AP1B1: variants seen among roughly 807,000 people sequenced by gnomAD.
AP1B1 encodes adaptor related protein complex 1 subunit beta 1.
A neutral mutation model predicts 104.3 loss-of-function variants in AP1B1; 36 were observed. That is an observed-to-expected ratio of 0.35 (90% CI 0.26 to 0.46). The LOEUF (loss-of-function observed/expected upper bound fraction) is 0.46. Ranked by LOEUF, AP1B1 falls within the 20% of genes least tolerant of loss-of-function variation. AP1B1 has a pLI of 1.00. For synonymous variants in AP1B1, 504 were observed against 517.5 expected, an observed-to-expected ratio of 0.97 and a Z score of 0.35; for missense variants, 901 against 1,247.9, an observed-to-expected ratio of 0.72 and a Z score of 4.19.
At chr22:29,329,356 T>C in intron 22 of AP1B1, 1 of 1,207,438 alleles carries the variant, frequency 8.3e-7, no homozygotes, top group Non-Finnish European at 1.0e-6. Context: ...CGGTAGAGAC[T>C]TTGCCTCCGC....
intron 1 of AP1B1, among the ~76,000 whole-genome samples, chr22:29,378,382 C>A (rs1027684805): frequency 6.6e-6 from 1 of 151,678 alleles, no homozygotes; most frequent in Non-Finnish European, 1.5e-5. Context: ...CATGGCGAAA[C>A]CCCATCTCTA....
chr22:29,331,685 A>C, intron 18 of AP1B1, 102 bp downstream of exon 18: 2 of 1,602,178 alleles, frequency 1.2e-6, no homozygotes, highest in Non-Finnish European at 1.7e-6. Context: ...ACACATCTGC[A>C]GCTAAGAGCA....
chr22:29,367,125 T>A, intron 2 of AP1B1, 82 bp downstream of exon 2: 2 of 1,317,106 alleles, frequency 1.5e-6, no homozygotes, highest in South Asian at 2.3e-5. Flanking sequence ...TTCCCACCCC[T>A]ACTCCCTACC....
At chr22:29,335,638 G>C (rs1451515447) in intron 16 of AP1B1, among the ~76,000 whole-genome samples, 1 of 152,122 alleles carries the variant, frequency 6.6e-6, no homozygotes, top group Non-Finnish European at 1.5e-5. Flanking sequence ...ATGCAAATCT[G>C]ATCATGGCAC....
Position 29,331,891 on chromosome 22 carries a change from G to A in AP1B1, c.2335C>T (p.Leu779Phe), listed in dbSNP as rs776653588. 6.2e-6 allele frequency: 10 copies of A among 1,611,126 alleles called. No individual in the cohort carries two copies. The highest frequency in any genetic ancestry group is 7.6e-6 in the Non-Finnish European group (9 of 1,178,354). ...NSFGLAPAAPLQVHAPLSPNQ... is the reference protein window; with the variant it reads ...NSFGLAPAAPFQVHAPLSPNQ... ...GGGCTGAGTGGCGCGTGGACCTGGA[G>A]GGGGGCGGCGGGGGCCAGGCCAAAG... The change falls in exon 18 of 23, where the codon CTC becomes TTC. Residue 779 changes from leucine (L) to phenylalanine (F), a missense_variant. Coordinates refer to ENST00000357586, the MANE Select transcript of AP1B1 (RefSeq NM_001127.4).
chr22:29,331,379 C>A (rs1475121547), intron 19 of AP1B1, 70 bp downstream of exon 19: 1 of 1,470,644 alleles, frequency 6.8e-7, no homozygotes, highest in Non-Finnish European at 9.5e-7. Flanking sequence ...TTGGTAAAGG[C>A]ACCACCTTGG....
intron 11 of AP1B1, among the ~76,000 whole-genome samples, chr22:29,345,460 T>G (rs2061778291): frequency 7.0e-6 from 1 of 142,716 alleles, no homozygotes; most frequent in Admixed American, 7.1e-5. Flanking sequence ...CAGCCTCAAC[T>G]TCCCAGGCTC....
chr22:29,379,569 A>G (rs1270122024), intron 1 of AP1B1, among the ~76,000 whole-genome samples: 3 of 152,208 alleles, frequency 2.0e-5, no homozygotes, highest in African/African-American at 4.8e-5. Flanking sequence ...TGCACACAGT[A>G]AACAAAGGAC....
Position 29,362,190 on chromosome 22 carries a change from G to T in AP1B1, c.143+811C>A, listed in dbSNP as rs576817980. On this transcript the variant is annotated intron_variant, in intron 3 of 22. Transcript: ENST00000357586. Reference sequence around the variant, plus strand: ...TGCGGCAGCCGCTCTACACACAACCGGCTTTAGCCATCAGGTGCGACAGAG... The same window carrying T: ...TGCGGCAGCCGCTCTACACACAACCTGCTTTAGCCATCAGGTGCGACAGAG... Among the ~76,000 whole-genome samples the T allele has an allele frequency of 5.3e-4, 81 of 152,328 alleles. 1 individual carries two copies. The South Asian group carries it at 5.6e-3, about 11-fold the overall frequency.
intron 3 of AP1B1, among the ~76,000 whole-genome samples, chr22:29,361,781 G>C (rs2062050863): frequency 6.6e-6 from 1 of 151,940 alleles, no homozygotes; most frequent in Admixed American, 6.6e-5. Flanking sequence ...AGGAAACACA[G>C]GGAAGGCAGA....
intron 16 of AP1B1, among the ~76,000 whole-genome samples, chr22:29,337,476 G>A (rs994655825): frequency 6.6e-6 from 1 of 150,700 alleles, no homozygotes; most frequent in African/African-American, 2.5e-5. Flanking sequence ...AGCTCAGGGG[G>A]TGGGGAGGTG....
At chr22:29,361,800 G>GTT (rs930394604) in intron 3 of AP1B1, among the ~76,000 whole-genome samples, 2 of 144,650 alleles carry the variant, frequency 1.4e-5, no homozygotes, top group South Asian at 2.2e-4. Flanking sequence ...GACCTTGAAT[G>GTT]TTTTTTTTTT....
chr22:29,350,294 C>T, intron 9 of AP1B1, 144 bp from the exon 10 acceptor site: 1 of 643,786 alleles, frequency 1.6e-6, no homozygotes, highest in Non-Finnish European at 2.8e-6. Flanking sequence ...AACCCTCTCC[C>T]CAGGTAACAG....
At chr22:29,345,895 G>C (rs942255014) in intron 11 of AP1B1, among the ~76,000 whole-genome samples, 3 of 152,160 alleles carry the variant, frequency 2.0e-5, no homozygotes, top group South Asian at 4.1e-4. Flanking sequence ...ATGTTGGTCA[G>C]GCTGGTCTCA....
At chr22:29,384,933 T>C (rs1388249060) in intron 1 of AP1B1, among the ~76,000 whole-genome samples, 1 of 152,118 alleles carries the variant, frequency 6.6e-6, no homozygotes, top group African/African-American at 2.4e-5. Context: ...ACTGTGACCC[T>C]TGCCAGAGGG....
At chr22:29,347,586 A>G (rs1037559280) in intron 11 of AP1B1, among the ~76,000 whole-genome samples, 1 of 152,228 alleles carries the variant, frequency 6.6e-6, no homozygotes, top group African/African-American at 2.4e-5. Flanking sequence ...GCTCACCAAC[A>G]GACTAACAGA....
Position 29,328,465 on chromosome 22 carries a change from A to T in AP1B1, c.*356T>A, listed in dbSNP as rs544853886. The T allele has an allele frequency of 4.2e-6, 1 of 240,544 alleles. No individual in the cohort carries two copies. Among genetic ancestry groups the T allele is most frequent in the African/African-American group, 2.3e-5 (1 of 44,266 alleles). 14.9% of individuals were successfully genotyped at this position (240,544 alleles called of 1,614,324 possible). ...CCTTTAACACCAACCGGAGAGACCA[A>T]GGAGCCAGGGGCTGCCGGGGCTGTG... is the stretch of plus-strand genomic sequence containing the variant. On this transcript the variant is annotated 3_prime_UTR_variant, in exon 23 of 23. Transcript: ENST00000357586. This position sits in a 1 kb window ranked among gnomAD's most constrained non-coding sequence, Gnocchi z 4.1.
intron 9 of AP1B1, 143 bp downstream of exon 9, chr22:29,351,028 T>C: frequency 1.3e-6 from 1 of 771,208 alleles, no homozygotes; most frequent in South Asian, 1.7e-5. Context: ...ATCTGCACAA[T>C]GCTTGCCATG....
intron 1 of AP1B1, among the ~76,000 whole-genome samples, chr22:29,381,993 T>C (rs1385237413): frequency 6.6e-6 from 1 of 151,764 alleles, no homozygotes; most frequent in Non-Finnish European, 1.5e-5. Context: ...CCCTTCAGCG[T>C]GATACCTCTG....
Sources: gnomAD v4.1 joint callset for allele counts (sites outside exome capture counted in the v4.1 genomes callset) on GRCh38, gnomAD v4.1.1 for gene constraint, Gnocchi (gnomAD v3.1) non-coding constraint, MANE v1.5 for transcripts, NCBI Gene and HGNC (gene_info 2026-07-23, HGNC 2026-07-21) for gene names.